ZNF318: variants seen among roughly 807,000 people sequenced by gnomAD.
ZNF318 encodes the protein endocrine regulator.
ZNF318 carries 51 observed loss-of-function variants against 124.2 expected under a neutral mutation model. That is an observed-to-expected ratio of 0.41 (90% CI 0.33 to 0.52). ZNF318 has a LOEUF of 0.52. Ranked by LOEUF, ZNF318 falls within the 20% of genes least tolerant of loss-of-function variation. The pLI is 0.23. For synonymous variants in ZNF318, 1,090 were observed against 1,040.7 expected (o/e 1.05, Z -0.91); for missense variants, 2,815 against 2,811.2 (o/e 1.00, Z -0.03).
intron 2 of ZNF318, among the ~76,000 whole-genome samples, chr6:43,363,127 TA>T (rs1562136723): frequency 6.6e-6 from 1 of 152,174 alleles, no homozygotes; most frequent in East Asian, 1.9e-4. Context: ...TTTTGTAATT[TA>T]AAAATATAAT....
Position 43,340,917 on chromosome 6 carries a change from A to G in ZNF318, c.3377-9T>C, listed in dbSNP as rs1779366798. The G allele has an allele frequency of 3.1e-6, 5 of 1,593,724 alleles. No individual in the cohort carries two copies. The highest frequency in any genetic ancestry group is 4.3e-6 in the Non-Finnish European group (5 of 1,161,500). ...AACCAGAAACTCAGAGCCTGGAAGAAGTAGAAAAAAGTCAAGGAAATAAGT... is the reference window on the plus strand; with the variant it reads ...AACCAGAAACTCAGAGCCTGGAAGAGGTAGAAAAAAGTCAAGGAAATAAGT... On this transcript the variant is annotated splice_polypyrimidine_tract_variant and intron_variant, in intron 8 of 9. Transcript: ENST00000361428.
chr6:43,337,498 G>A lies in ZNF318; in HGVS notation c.6500C>T (p.Pro2167Leu). ...TINSAGLGPS[P>L]CLPDLVDFVT... The stretch of plus-strand genomic sequence containing the variant: ...AAAGTCAACAAGGTCTGGAAGGCAA[G>A]GAGATGGCCCAAGGCCTGCAGAATT... The change falls in exon 10 of 10, where the codon CCT becomes CTT. Residue 2167 changes from proline to leucine, a missense_variant. Transcript: ENST00000361428. The A allele has an allele frequency of 1.2e-6, 2 of 1,614,212 alleles. No individual in the cohort carries two copies. The highest frequency in any genetic ancestry group is 1.7e-6 in the Non-Finnish European group (2 of 1,180,034).
Position 43,338,137 on chromosome 6 carries a change from T to G in ZNF318, c.5861A>C (p.Tyr1954Ser). Residue 1954 changes from tyrosine (Y) to serine (S), a missense_variant, in exon 10 of 10, where the codon TAT becomes TCT. Around this residue, in one of 4 missense-constraint regions of ZNF318, gnomAD observed 927 missense variants for 820.6 expected, o/e 1.13. Coordinates refer to ENST00000361428, the MANE Select transcript of ZNF318 (RefSeq NM_014345.3). The part of the protein sequence containing the change: ...RSKDFQVKKI[Y>S]ELAVWDENKK... ...GTTTTCATCCCAAACAGCCAACTCA[T>G]AGATCTTTTTAACTTGAAAGTCTTT... The G allele has an allele frequency of 1.2e-6, 2 of 1,613,856 alleles. No individual in the cohort carries two copies. The highest frequency in any genetic ancestry group is 8.5e-7 in the Non-Finnish European group (1 of 1,179,974).
At chr6:43,363,711 G>T in intron 2 of ZNF318, 1 of 553,366 alleles carries the variant, frequency 1.8e-6, no homozygotes, top group Non-Finnish European at 3.2e-6. Flanking sequence ...TTTTCCTGGG[G>T]GCCTCTCTCA....
In ZNF318 at chr6:43,338,487, C is replaced by T; in HGVS notation, c.5511G>A (p.Gln1837=). Residue 1837 remains glutamine (Q), a synonymous_variant, in exon 10 of 10, where the codon CAG becomes CAA. Transcript: ENST00000361428. ...CACTTCCTGTCATCAATTTATTGGA[C>T]TGTTCAGCCTCTTTGTCAATCATTA... ...NLLMIDKEAE[Q]SNKLMTGSET... 1 of 1,614,198 alleles carries T rather than the reference C, an allele frequency of 6.2e-7. No individual in the cohort carries two copies. Among genetic ancestry groups the T allele is most frequent in the East Asian group, 2.2e-5 (1 of 44,890 alleles).
At position 43,357,236 on chromosome 6, in the gene ZNF318, C is replaced by A; in HGVS notation, c.1078G>T (p.Ala360Ser). The change falls in exon 3 of 10, where the codon GCA becomes TCA. Residue 360 changes from alanine to serine, a missense_variant. Physicochemically the swap from Ala to Ser is moderately conservative, Grantham distance 99. This residue lies in a region of ZNF318 where 1,377 missense variants were observed against 1,353.5 expected (regional missense o/e 1.02). Coordinates refer to ENST00000361428, the MANE Select transcript of ZNF318 (RefSeq NM_014345.3). ...SIPGLSGVLT[A>S]SEPGYSLHRP... is the part of the protein sequence containing the mutation. ...TGCAAAGAATATCCTGGCTCCGATG[C>A]TGTTAGGACACCTGACAATCCAGGG... 1 of 1,614,188 alleles carries A rather than the reference C, an allele frequency of 6.2e-7. No homozygotes were observed. The highest frequency in any genetic ancestry group is 8.5e-7 in the Non-Finnish European group (1 of 1,180,038).
At position 43,337,647 on chromosome 6, in the gene ZNF318, C is replaced by G. The variant is rs764064767; in HGVS notation, c.6351G>C (p.Leu2117Phe). 4.3e-6 allele frequency: 7 copies of G among 1,614,034 alleles called. No individual in the cohort carries two copies. In the African/African-American group the frequency reaches 8.0e-5, roughly 18 times the overall value. The change falls in exon 10 of 10, where the codon TTG becomes TTC. Residue 2117 changes from leucine to phenylalanine, a missense_variant. By Grantham distance (22) the Leu-to-Phe change is conservative. Around this residue, in one of 4 missense-constraint regions of ZNF318, gnomAD observed 927 missense variants for 820.6 expected, o/e 1.13. Transcript: ENST00000361428. ...CCTGGTGTGTTCCCTCTAGGCCCCC[C>G]AAGCCACGGTCAACATTTTCTGTAA... ...TGLTENVDRG[L>F]GGLEGTHQAL...
At position 43,342,800 on chromosome 6, in the gene ZNF318, A is replaced by T; in HGVS notation, c.3152T>A (p.Leu1051Ter). 1 of 1,614,182 alleles carries T rather than the reference A, an allele frequency of 6.2e-7. No homozygotes were observed. The highest frequency in any genetic ancestry group is 8.5e-7 in the Non-Finnish European group (1 of 1,180,014). ...AESPQSATKQ[L>*]DQPTAAYEYY... ...CTCATAAGCAGCAGTGGGCTGATCC[A>T]ACTGCTTAGTGGCTGACTGGGGGCT... The change falls in exon 7 of 10, where the codon TTG (leucine) becomes TAG (stop). Residue 1051 changes from leucine to a stop codon, truncating the protein, a stop_gained. Coordinates refer to ENST00000361428, the MANE Select transcript of ZNF318 (RefSeq NM_014345.3). LOFTEE classifies it high-confidence loss of function.
At chr6:43,342,978 T>C in intron 6 of ZNF318, 99 bp from the exon 7 acceptor site, 3 of 887,976 alleles carry the variant, frequency 3.4e-6, no homozygotes, top group African/African-American at 3.4e-5. Flanking sequence ...AATAGGGCCA[T>C]ATGACCATAT....
chr6:43,358,496 T>TC, intron 2 of ZNF318, among the ~76,000 whole-genome samples: 3 of 149,722 alleles, frequency 2.0e-5, no homozygotes, highest in East Asian at 2.0e-4. Flanking sequence ...TCTCCTGACC[T>TC]AGTGATCAGC....
rs759899990 is a variant in ZNF318 at position 43,338,757 on chromosome 6, T to C, written c.5241A>G (p.Val1747=). The change falls in exon 10 of 10, where the codon GTA becomes GTG. Residue 1747 remains valine (V), a synonymous_variant. Coordinates refer to ENST00000361428, the MANE Select transcript of ZNF318 (RefSeq NM_014345.3). ...DIQCKESQKL[V]EIHLRESVNQ... ...TAACAGATTCTCTGAGGTGGATTTC[T>C]ACCAACTTCTGAGATTCTTTGCACT... 3.7e-6 allele frequency: 6 copies of C among 1,614,094 alleles called. No homozygotes were observed. In the South Asian group the frequency reaches 4.4e-5, roughly 12 times the overall value.
In ZNF318 at chr6:43,369,209, G is replaced by C. The variant is rs1779802642; in HGVS notation, c.157C>G (p.Pro53Ala). 8.3e-7 allele frequency: 1 copy of C among 1,211,710 alleles called. No individual in the cohort carries two copies. Among genetic ancestry groups the C allele is most frequent in the Non-Finnish European group, 1.0e-6 (1 of 976,586 alleles). 75.1% of individuals were successfully genotyped at this position (1,211,710 alleles called of 1,614,324 possible). The change falls in exon 1 of 10, where the codon CCG (proline) becomes GCG (alanine). Residue 53 changes from proline (P) to alanine (A), a missense_variant. Transcript: ENST00000361428. ...GAGGGCGAGCGGGGTCGGCGAGCCGGGGTCCGCGACGAGGAGCCGGAGGGC... is the reference window on the plus strand; with the variant it reads ...GAGGGCGAGCGGGGTCGGCGAGCCGCGGTCCGCGACGAGGAGCCGGAGGGC... ...PPPSGSSSRT[P>A]ARRPRSPSGH... is the part of the protein sequence containing the mutation.
chr6:43,352,473 T>A lies in ZNF318; in HGVS notation c.2674A>T (p.Ile892Phe). ...TTCTTTAGTTTTTCCCTCTCTTCAA[T>A]AACCTGCAAAATACAAAGTGGTAAG... ...KNRASQKQKV[I>F]EEREKLKNDR... The change falls in exon 5 of 10, where the codon ATT (isoleucine) becomes TTT (phenylalanine). Residue 892 changes from isoleucine to phenylalanine, a missense_variant. By Grantham distance (21) the Ile-to-Phe change is conservative. Transcript: ENST00000361428. 1 of 1,613,808 alleles carries A rather than the reference T, an allele frequency of 6.2e-7. No individual in the cohort carries two copies. Among genetic ancestry groups the A allele is most frequent in the Non-Finnish European group, 8.5e-7 (1 of 1,179,754 alleles).
intron 5 of ZNF318, among the ~76,000 whole-genome samples, 163 bp from the exon 6 acceptor site, chr6:43,348,788 C>T (rs1581643165): frequency 6.6e-6 from 1 of 152,208 alleles, no homozygotes; most frequent in East Asian, 1.9e-4. Flanking sequence ...AATTCCAGCA[C>T]TTTGGGAGAC....
chr6:43,365,268 G>C (rs769647842), intron 2 of ZNF318, 24 bp downstream of exon 2: 1 of 1,608,712 alleles, frequency 6.2e-7, no homozygotes, highest in South Asian at 1.1e-5. Flanking sequence ...TAGTATAGTA[G>C]GCCCTGCCTT....
At chr6:43,347,903 G>A (rs142927793) in intron 6 of ZNF318, among the ~76,000 whole-genome samples, 1 of 152,184 alleles carries the variant, frequency 6.6e-6, no homozygotes, top group Non-Finnish European at 1.5e-5. Flanking sequence ...AGGGAAAAGA[G>A]TATTTGTAGG....
intron 2 of ZNF318, 145 bp from the exon 3 acceptor site, chr6:43,357,910 C>T (rs986705462): frequency 1.4e-6 from 1 of 730,290 alleles, no homozygotes; most frequent in African/African-American, 1.8e-5. Context: ...CATTTCCTCT[C>T]CCTTTCCCCA....
chr6:43,343,243 G>T (rs1406956597), intron 6 of ZNF318, among the ~76,000 whole-genome samples: 1 of 152,142 alleles, frequency 6.6e-6, no homozygotes, highest in Non-Finnish European at 1.5e-5. Flanking sequence ...AGTAAATGTT[G>T]AATATGTTAC....
Position 43,337,454 on chromosome 6 carries a change from C to T in ZNF318, c.6544G>A (p.Val2182Ile), listed in dbSNP as rs747971899. The change falls in exon 10 of 10, where the codon GTT (valine) becomes ATT (isoleucine). Residue 2182 changes from valine (V) to isoleucine (I), a missense_variant. Val to Ile is a conservative substitution (Grantham distance 29). Around this residue, in one of 4 missense-constraint regions of ZNF318, gnomAD observed 927 missense variants for 820.6 expected, o/e 1.13. Transcript: ENST00000361428. Reference protein sequence around the residue: ...LVDFVTRTSGVQKDKLCSPLS... With the variant: ...LVDFVTRTSGIQKDKLCSPLS... ...GGAGAACACAGTTTATCTTTTTGAA[C>T]TCCAGAGGTCCGTGTGACAAAGTCA... The T allele has an allele frequency of 3.7e-6, 6 of 1,614,184 alleles. No individual in the cohort carries two copies. The highest frequency in any genetic ancestry group is 4.2e-6 in the Non-Finnish European group (5 of 1,180,018).
Sources: allele counts gnomAD v4.1 joint callset (sites outside exome capture counted in the v4.1 genomes callset), GRCh38; gene constraint gnomAD v4.1.1; regional missense constraint gnomAD v4.1.1; transcripts MANE v1.5; gene names NCBI Gene and HGNC (gene_info 2026-07-23, HGNC 2026-07-21).